Variants in CCDC192 observed in about 807,000 individuals in gnomAD.
CCDC192 encodes the protein coiled-coil domain-containing protein 192.
intron 5 of CCDC192, among the ~76,000 whole-genome samples, chr5:127,816,748 A>C (rs1178401767): frequency 1.3e-5 from 2 of 152,212 alleles, no homozygotes; most frequent in African/African-American, 4.8e-5. Context: ...TGAGGATGCG[A>C]GGGAGGCTTC....
intron 6 of CCDC192, among the ~76,000 whole-genome samples, chr5:127,904,459 A>G (rs1281054382): frequency 6.6e-6 from 1 of 151,384 alleles, no homozygotes; most frequent in Non-Finnish European, 1.5e-5. Flanking sequence ...GACCACTTAG[A>G]ACTGCTCAGA....
intron 6 of CCDC192, among the ~76,000 whole-genome samples, chr5:127,883,053 C>G (rs1358197864): frequency 6.6e-6 from 1 of 152,198 alleles, no homozygotes; most frequent in Non-Finnish European, 1.5e-5. Context: ...GGGACTTCGT[C>G]AAAAACCACT....
intron 6 of CCDC192, among the ~76,000 whole-genome samples, chr5:127,939,753 G>T (rs1453792562): frequency 6.6e-6 from 1 of 151,624 alleles, no homozygotes; most frequent in Admixed American, 6.6e-5. Flanking sequence ...CAGGTGTATA[G>T]GTACCTAATA....
chr5:127,856,619 C>T (rs188150759), intron 5 of CCDC192, among the ~76,000 whole-genome samples: 13 of 152,288 alleles, frequency 8.5e-5, no homozygotes, highest in African/African-American at 3.1e-4. Context: ...TCATTTCTGG[C>T]TTTTGATTTA....
At chr5:127,744,146 C>T (rs1753605589) in intron 2 of CCDC192, among the ~76,000 whole-genome samples, 1 of 137,216 alleles carries the variant, frequency 7.3e-6, no homozygotes, top group Non-Finnish European at 1.6e-5. Context: ...ACGCTAAACA[C>T]AAAAGAACAT....
intron 3 of CCDC192, among the ~76,000 whole-genome samples, chr5:127,758,264 C>T (rs1754724499): frequency 1.3e-5 from 2 of 152,154 alleles, no homozygotes; most frequent in South Asian, 4.2e-4. Context: ...AGGTCTCCTT[C>T]AGCAAGGTCC....
At chr5:127,926,228 T>C (rs1753859321) in intron 6 of CCDC192, among the ~76,000 whole-genome samples, 1 of 152,224 alleles carries the variant, frequency 6.6e-6, no homozygotes, top group African/African-American at 2.4e-5. Context: ...TTTTCAATTT[T>C]TGTCTATCTA....
chr5:127,808,755 C>T (rs186749857), intron 5 of CCDC192, among the ~76,000 whole-genome samples: 1 of 152,256 alleles, frequency 6.6e-6, no homozygotes, highest in East Asian at 1.9e-4. Context: ...CCATGGATCT[C>T]TTTTTTGCCT....
At chr5:127,773,754 G>A (rs1025769456) in intron 3 of CCDC192, among the ~76,000 whole-genome samples, 3 of 152,098 alleles carry the variant, frequency 2.0e-5, no homozygotes, top group African/African-American at 7.2e-5. Context: ...GGGTGTAAGT[G>A]TTCATTTCTT....
chr5:127,844,094 A>G (rs1402733508), intron 5 of CCDC192, among the ~76,000 whole-genome samples: 1 of 152,192 alleles, frequency 6.6e-6, no homozygotes, highest in Admixed American at 6.5e-5. Flanking sequence ...CTGCCAGTGT[A>G]TATTTCTTTG....
chr5:127,724,496 A>G (rs1258409617), intron 2 of CCDC192, among the ~76,000 whole-genome samples: 1 of 152,072 alleles, frequency 6.6e-6, no homozygotes, highest in African/African-American at 2.4e-5. Context: ...CTTTGTGATC[A>G]CTCATCATGT....
intron 6 of CCDC192, among the ~76,000 whole-genome samples, chr5:127,896,895 A>G (rs984361273): frequency 2.6e-5 from 4 of 152,232 alleles, no homozygotes; most frequent in Admixed American, 2.0e-4. Flanking sequence ...GGTTACTAGT[A>G]TAGAGTATCT....
intron 6 of CCDC192, among the ~76,000 whole-genome samples, chr5:127,888,107 C>T (rs986053422): frequency 1.3e-5 from 2 of 151,760 alleles, no homozygotes; most frequent in Non-Finnish European, 2.9e-5. Flanking sequence ...GTATTGTGAT[C>T]GTATTGTTAG....
chr5:127,907,441 ATAT>A (rs1753228875), intron 6 of CCDC192, among the ~76,000 whole-genome samples: 1 of 152,198 alleles, frequency 6.6e-6, no homozygotes, highest in Non-Finnish European at 1.5e-5. Context: ...TTGTGATCCA[ATAT>A]TAGTATCAAT....
intron 6 of CCDC192, among the ~76,000 whole-genome samples, chr5:127,930,990 T>G (rs1330726070): frequency 6.6e-6 from 1 of 152,246 alleles, no homozygotes; most frequent in Non-Finnish European, 1.5e-5. Context: ...CAAACATCTT[T>G]CTGTGATACT....
intron 5 of CCDC192, among the ~76,000 whole-genome samples, chr5:127,830,480 T>TC (rs1391760963): frequency 3.3e-5 from 5 of 152,212 alleles, no homozygotes; most frequent in African/African-American, 1.2e-4. Flanking sequence ...TCTTGCTGCG[T>TC]CCTTATATGA....
At chr5:127,897,328 A>G (rs1255599932) in intron 6 of CCDC192, among the ~76,000 whole-genome samples, 1 of 152,154 alleles carries the variant, frequency 6.6e-6, no homozygotes, top group Non-Finnish European at 1.5e-5. Flanking sequence ...AAAGAGGGAT[A>G]TGCCAAAAAG....
chr5:127,733,564 G>A (rs1270731824), intron 2 of CCDC192, among the ~76,000 whole-genome samples: 1 of 152,086 alleles, frequency 6.6e-6, no homozygotes, highest in Non-Finnish European at 1.5e-5. Flanking sequence ...GATTCAAGAG[G>A]GGAAAGAATT....
chr5:127,852,313 A>ATTT (rs1369563343), intron 5 of CCDC192, among the ~76,000 whole-genome samples: 1 of 152,134 alleles, frequency 6.6e-6, no homozygotes, highest in African/African-American at 2.4e-5. Flanking sequence ...CATATGTTTG[A>ATTT]TTATTACCTT....
Sources: gnomAD v4.1 joint callset for allele counts (sites outside exome capture counted in the v4.1 genomes callset) on GRCh38, gnomAD v4.1.1 for gene constraint, MANE v1.5 for transcripts, NCBI Gene and HGNC (gene_info 2026-07-23, HGNC 2026-07-21) for gene names.